The following COL24A1 variants were observed in gnomAD, a reference collection of about 807,000 sequenced individuals.
COL24A1 encodes collagen type XXIV alpha 1 chain.
In COL24A1, 224 loss-of-function variants were observed where a neutral mutation model predicts 253.9. That is an observed-to-expected ratio of 0.88 (90% CI 0.79 to 0.99). COL24A1 has a LOEUF of 0.99. Among genes scored for constraint, COL24A1 ranks in the 50% least tolerant of loss-of-function variants. The probability of loss-of-function intolerance (pLI) is 0.00; values close to 1 mark genes in which losing one functional copy is unlikely to be tolerated. For synonymous variants in COL24A1, 685 were observed against 673.7 expected (o/e 1.02, Z -0.26); for missense variants, 2,131 against 2,068.5 (o/e 1.03, Z -0.59).
intron 53 of COL24A1, among the ~76,000 whole-genome samples, chr1:85,772,105 C>T (rs1668035729): frequency 6.7e-6 from 1 of 149,466 alleles, no homozygotes; most frequent in Admixed American, 6.7e-5. Context: ...CAATTTCATC[C>T]ATGTCCCTAC....
At chr1:85,856,241 T>C (rs1460464144) in intron 37 of COL24A1, among the ~76,000 whole-genome samples, 1 of 152,130 alleles carries the variant, frequency 6.6e-6, no homozygotes, top group Non-Finnish European at 1.5e-5. Flanking sequence ...TTTGGGTTTG[T>C]TTTGCTCCTG....
At chr1:86,124,759 CA>C in intron 3 of COL24A1, 85 bp downstream of exon 3, 1 of 1,040,734 alleles carries the variant, frequency 9.6e-7, no homozygotes, top group Non-Finnish European at 1.3e-6. Flanking sequence ...TTGTTTGGTC[CA>C]GAGAACTCTC....
chr1:85,844,391 A>G (rs1422595903), intron 39 of COL24A1, among the ~76,000 whole-genome samples: 1 of 152,126 alleles, frequency 6.6e-6, no homozygotes, highest in African/African-American at 2.4e-5. Context: ...AAACATAAAA[A>G]TACGGGAATA....
intron 11 of COL24A1, among the ~76,000 whole-genome samples, chr1:86,049,788 C>T (rs1700169946): frequency 6.6e-6 from 1 of 151,904 alleles, no homozygotes. Context: ...AAATCAAGAC[C>T]TGTCAAGAAT....
chr1:85,825,128 G>A (rs956565505), intron 43 of COL24A1, among the ~76,000 whole-genome samples: 33 of 133,606 alleles, frequency 2.5e-4, no homozygotes, highest in South Asian at 1.8e-3. Flanking sequence ...CTGTGTCCAT[G>A]TGTTCTCATT....
chr1:85,968,875 C>A (rs922419348), intron 22 of COL24A1, among the ~76,000 whole-genome samples: 10 of 152,166 alleles, frequency 6.6e-5, no homozygotes, highest in African/African-American at 2.4e-4. Flanking sequence ...AACTTCTTGT[C>A]CTACTTAAAT....
chr1:85,815,362 G>A (rs756915745), intron 47 of COL24A1, among the ~76,000 whole-genome samples: 5 of 152,176 alleles, frequency 3.3e-5, no homozygotes, highest in Admixed American at 2.0e-4. Flanking sequence ...GATCTCAAAT[G>A]AGTCTCTTTT....
chr1:85,896,620 C>T (rs187702359), intron 28 of COL24A1, among the ~76,000 whole-genome samples: 3 of 152,152 alleles, frequency 2.0e-5, no homozygotes, highest in African/African-American at 7.2e-5. Context: ...TCAGCCTCCC[C>T]CTGAGTAGCT....
chr1:85,830,697 T>A (rs1032239235), intron 43 of COL24A1, among the ~76,000 whole-genome samples: 1 of 152,160 alleles, frequency 6.6e-6, no homozygotes, highest in Non-Finnish European at 1.5e-5. Context: ...AGGTGCCATC[T>A]GTCACCTCTT....
At chr1:85,731,080 C>T (rs137987318) in intron 59 of COL24A1, among the ~76,000 whole-genome samples, 15 of 152,252 alleles carry the variant, frequency 9.9e-5, no homozygotes, top group African/African-American at 2.6e-4. Flanking sequence ...TAAAAGGGAA[C>T]GAGCTATTTC....
chr1:85,868,788 C>T lies in COL24A1; in HGVS notation c.3186G>A (p.Gly1062=), dbSNP rs753785309. 1.5e-5 allele frequency: 23 copies of T among 1,574,750 alleles called. No homozygotes were observed. Among genetic ancestry groups the T allele is most frequent in the African/African-American group, 2.7e-5 (2 of 73,494 alleles). Residue 1062 remains glycine, a synonymous_variant, in exon 36 of 60, where the codon GGG becomes GGA. Coordinates refer to ENST00000370571, the MANE Select transcript of COL24A1 (RefSeq NM_152890.7). ...PGEEGLQGKD[G]LKGVPGGRGL... ...TCTTAAAAGTATAATTTACCTTTAA[C>T]CCATCTTTTCCCTGGAGACCTTCTT...
At chr1:86,020,400 A>G (rs1310465965) in intron 18 of COL24A1, among the ~76,000 whole-genome samples, 1 of 152,036 alleles carries the variant, frequency 6.6e-6, no homozygotes, top group Non-Finnish European at 1.5e-5. Flanking sequence ...AGCTGGTACC[A>G]TGGTGGTTAA....
intron 5 of COL24A1, among the ~76,000 whole-genome samples, chr1:86,110,942 G>A (rs1705518266): frequency 6.6e-6 from 1 of 152,224 alleles, no homozygotes; most frequent in African/African-American, 2.4e-5. Context: ...GGCAAGTGGA[G>A]TGGGACTGGC....
At chr1:86,089,026 G>T in intron 7 of COL24A1, 148 bp downstream of exon 7, 2 of 541,312 alleles carry the variant, frequency 3.7e-6, no homozygotes, top group Non-Finnish European at 6.2e-6. Flanking sequence ...TTAGTTTTAG[G>T]GTCAACTTCA....
intron 24 of COL24A1, among the ~76,000 whole-genome samples, chr1:85,948,251 G>A (rs544407343): frequency 2.0e-5 from 3 of 152,198 alleles, no homozygotes; most frequent in Admixed American, 2.0e-4. Context: ...TAGGCCGGGC[G>A]CGGTGGCTCA....
At chr1:85,957,350 A>G (rs1206159930) in intron 24 of COL24A1, among the ~76,000 whole-genome samples, 1 of 152,192 alleles carries the variant, frequency 6.6e-6, no homozygotes, top group African/African-American at 2.4e-5. Context: ...CAGAACTTAA[A>G]GTATAATTTA....
chr1:86,130,655 T>C lies in COL24A1; in HGVS notation c.122-4441A>G, dbSNP rs1303887142. Among the ~76,000 whole-genome samples the C allele has an allele frequency of 2.0e-5, 3 of 151,958 alleles. 1 individual carries two copies. The South Asian group carries it at 6.2e-4, about 31-fold the overall frequency. On this transcript the variant is annotated intron_variant, in intron 2 of 59. Coordinates refer to ENST00000370571, the MANE Select transcript of COL24A1 (RefSeq NM_152890.7). ...ATAGGAGTATCTTTCATAGTGTTTA[T>C]CTTTTCATTCTTAAATATCCTTATA...
At chr1:86,063,349 GTCTCTC>G (rs74793940) in intron 8 of COL24A1, among the ~76,000 whole-genome samples, 7 of 148,714 alleles carry the variant, frequency 4.7e-5, no homozygotes, top group South Asian at 4.2e-4. Context: ...AAAAAATTAA[GTCTCTC>G]TCTCTGTGTG....
chr1:85,964,868 C>T, intron 23 of COL24A1, 141 bp downstream of exon 23: 2 of 636,492 alleles, frequency 3.1e-6, no homozygotes, highest in Non-Finnish European at 5.4e-6. Flanking sequence ...GATATAGATT[C>T]TCAGTTGCTC....
Sources: gnomAD v4.1 joint callset for allele counts (sites outside exome capture counted in the v4.1 genomes callset) on GRCh38, gnomAD v4.1.1 for gene constraint, MANE v1.5 for transcripts, NCBI Gene and HGNC (gene_info 2026-07-23, HGNC 2026-07-21) for gene names.